RBFOX1: variants seen among roughly 807,000 people sequenced by gnomAD.
RBFOX1 encodes RNA binding fox-1 homolog 1.
A neutral mutation model predicts 57.7 loss-of-function variants in RBFOX1; 8 were observed. The ratio of observed to expected loss-of-function variants is 0.14; its 90% CI spans 0.08 to 0.25. The LOEUF is 0.25. Ranked by LOEUF, RBFOX1 falls within the 10% of genes least tolerant of loss-of-function variation. RBFOX1 has a pLI of 1.00. For synonymous variants in RBFOX1, 326 were observed against 222.4 expected (o/e 1.47, Z -4.15); for missense variants, 611 against 548.5 (o/e 1.11, Z -1.14).
In RBFOX1 at chr16:7,712,482, G is replaced by T. The variant is rs1473621062; in HGVS notation, c.*1737G>T. On this transcript the variant is annotated 3_prime_UTR_variant, in exon 16 of 16. Coordinates refer to ENST00000550418, the MANE Select transcript of RBFOX1 (RefSeq NM_018723.4). ...AGTTGGATATTAAACCATCAATAAA[G>T]TTTCACAAGATTTGAAAACAAAGTT... 6.6e-6 allele frequency: 1 copy of T among 152,180 alleles called. No individual in the cohort carries two copies. The highest frequency in any genetic ancestry group is 6.6e-5 in the Admixed American group (1 of 15,242). The allele number at this position is 152,180 out of a possible 1,614,324, so 9.4% of individuals were successfully genotyped here.
At chr16:5,463,891 T>C (rs992779082) in intron 1 of RBFOX1, among the ~76,000 whole-genome samples, 1 of 152,098 alleles carries the variant, frequency 6.6e-6, no homozygotes, top group South Asian at 2.1e-4. Context: ...GGGAGGTCTA[T>C]TTTGAACAAA....
chr16:6,683,828 C>G (rs139749996), intron 3 of RBFOX1, among the ~76,000 whole-genome samples: 5 of 152,156 alleles, frequency 3.3e-5, no homozygotes, highest in African/African-American at 1.2e-4. Context: ...GTTGACTCTT[C>G]ATGGGTTTTG....
At chr16:5,970,495 C>G (rs1480277393) in intron 4 of RBFOX1, among the ~76,000 whole-genome samples, 1 of 152,162 alleles carries the variant, frequency 6.6e-6, no homozygotes, top group South Asian at 2.1e-4. Flanking sequence ...TCTCTAGGTT[C>G]TAAGCCAGAA....
At chr16:5,492,663 A>G (rs1838466563) in intron 2 of RBFOX1, among the ~76,000 whole-genome samples, 1 of 152,220 alleles carries the variant, frequency 6.6e-6, no homozygotes, top group Non-Finnish European at 1.5e-5. Flanking sequence ...AATGACATCT[A>G]CCACAGTGCT....
At chr16:7,242,249 C>G (rs922838132) in intron 4 of RBFOX1, among the ~76,000 whole-genome samples, 3 of 152,072 alleles carry the variant, frequency 2.0e-5, no homozygotes, top group African/African-American at 4.8e-5. Context: ...AGAGTGTTCA[C>G]TGAAAATTCA....
intron 4 of RBFOX1, among the ~76,000 whole-genome samples, chr16:7,290,084 G>A (rs1302884093): frequency 6.6e-6 from 1 of 152,094 alleles, no homozygotes; most frequent in Non-Finnish European, 1.5e-5. Context: ...AGATACCTAC[G>A]TACATTTACA....
chr16:6,008,675 G>C (rs1364107918), intron 4 of RBFOX1, among the ~76,000 whole-genome samples: 1 of 152,126 alleles, frequency 6.6e-6, no homozygotes, highest in Non-Finnish European at 1.5e-5. Context: ...TTGGAAAAAA[G>C]AACCCAGAGG....
intron 2 of RBFOX1, among the ~76,000 whole-genome samples, chr16:6,594,474 G>T (rs2097757501): frequency 6.6e-6 from 1 of 152,128 alleles, no homozygotes; most frequent in South Asian, 2.1e-4. Context: ...AATGCCCCAG[G>T]TGAAGAGGCT....
chr16:6,128,928 C>G (rs1355524591), intron 1 of RBFOX1, among the ~76,000 whole-genome samples: 1 of 152,134 alleles, frequency 6.6e-6, no homozygotes, highest in Non-Finnish European at 1.5e-5. Context: ...TAAGACCATG[C>G]CTGTTGACTA....
At chr16:5,326,537 G>A (rs114354002) in intron 1 of RBFOX1, among the ~76,000 whole-genome samples, 1 of 152,078 alleles carries the variant, frequency 6.6e-6, no homozygotes, top group Non-Finnish European at 1.5e-5. Context: ...GTGTGCCCTG[G>A]TACGATGCAC....
chr16:5,755,389 A>C (rs2053356820), intron 3 of RBFOX1, among the ~76,000 whole-genome samples: 2 of 152,098 alleles, frequency 1.3e-5, no homozygotes, highest in African/African-American at 2.4e-5. Flanking sequence ...AGATTGGGTG[A>C]GGCCAAGACT....
intron 1 of RBFOX1, among the ~76,000 whole-genome samples, chr16:5,376,311 T>C (rs553628749): frequency 6.5e-4 from 99 of 152,132 alleles, no homozygotes; most frequent in Middle Eastern, 3.4e-3. Context: ...CTACCCTCAG[T>C]TGTGACTGTT....
intron 2 of RBFOX1, among the ~76,000 whole-genome samples, chr16:6,373,257 G>C (rs958201167): frequency 2.6e-5 from 4 of 151,638 alleles, no homozygotes; most frequent in Admixed American, 6.6e-5. Flanking sequence ...GGATAGTGTA[G>C]AATGAAGATT....
chr16:5,562,031 C>G (rs1198682352), intron 2 of RBFOX1, among the ~76,000 whole-genome samples: 5 of 152,120 alleles, frequency 3.3e-5, no homozygotes, highest in Non-Finnish European at 7.4e-5. Flanking sequence ...GGAAACTTGT[C>G]TTTTGTCAGC....
intron 1 of RBFOX1, among the ~76,000 whole-genome samples, chr16:5,449,000 A>T (rs541289874): frequency 2.6e-5 from 4 of 152,092 alleles, no homozygotes; most frequent in African/African-American, 9.6e-5. Flanking sequence ...GGGCCTTTGC[A>T]CGTGGCCAGG....
chr16:5,467,184 C>G (rs769514593), intron 1 of RBFOX1: 2 of 1,453,686 alleles, frequency 1.4e-6, no homozygotes, highest in South Asian at 1.3e-5. Context: ...TTCTCTCTCT[C>G]TCTCTCTCTC....
At chr16:6,014,092 C>T (rs903120895), upstream of RBFOX1, among the ~76,000 whole-genome samples, 1 of 151,850 alleles carries the variant, frequency 6.6e-6, no homozygotes, top group Non-Finnish European at 1.5e-5. Flanking sequence ...TGCACATGTA[C>T]CCTAAAACTT....
intron 4 of RBFOX1, among the ~76,000 whole-genome samples, chr16:7,280,597 G>T (rs1273393277): frequency 2.0e-5 from 3 of 152,184 alleles, no homozygotes; most frequent in Non-Finnish European, 2.9e-5. Flanking sequence ...TCTCAGTGGG[G>T]CCGCTACCTT....
At chr16:7,411,272 G>C (rs4787015) in intron 4 of RBFOX1, among the ~76,000 whole-genome samples, 63,794 of 151,834 alleles carry the variant, frequency 0.42, 13,694 homozygotes, top group East Asian at 0.6. Flanking sequence ...GGGTGACAAA[G>C]AACTTTGTCT....
Sources: allele counts gnomAD v4.1 joint callset (sites outside exome capture counted in the v4.1 genomes callset), GRCh38; gene constraint gnomAD v4.1.1; transcripts MANE v1.5; gene names NCBI Gene and HGNC (gene_info 2026-07-23, HGNC 2026-07-21).